NUGGC: variants seen among roughly 807,000 people sequenced by gnomAD.
NUGGC encodes nuclear GTPase SLIP-GC.
In NUGGC, 58 loss-of-function variants were observed where a neutral mutation model predicts 92.6. The ratio of observed to expected loss-of-function variants is 0.63; its 90% CI spans 0.51 to 0.78. NUGGC has a LOEUF of 0.78. Among genes scored for constraint, NUGGC ranks in the 30% least tolerant of loss-of-function variants. The probability of loss-of-function intolerance (pLI) is 0.00; values close to 1 mark genes in which losing one functional copy is unlikely to be tolerated. For missense variants in NUGGC, 925 were observed against 964.6 expected, an observed-to-expected ratio of 0.96 and a Z score of 0.54; for synonymous variants, 376 against 366.4, an observed-to-expected ratio of 1.03 and a Z score of -0.30.
At chr8:28,033,886 C>T (rs1048240514) in intron 13 of NUGGC, among the ~76,000 whole-genome samples, 189 bp from the exon 14 acceptor site, 2 of 152,150 alleles carry the variant, frequency 1.3e-5, no homozygotes, top group African/African-American at 4.8e-5. Flanking sequence ...GTCTGGGTGC[C>T]CCTGCCATGG....
At chr8:28,070,123 T>A in intron 3 of NUGGC, 129 bp downstream of exon 3, 1 of 1,443,460 alleles carries the variant, frequency 6.9e-7, no homozygotes, top group East Asian at 2.5e-5. Context: ...CTTTGAGCCC[T>A]CTCTTTCCAA....
chr8:28,077,445 T>C (rs1810751040), intron 1 of NUGGC, among the ~76,000 whole-genome samples: 1 of 150,986 alleles, frequency 6.6e-6, no homozygotes, highest in South Asian at 2.1e-4. Flanking sequence ...CACACACCTG[T>C]AGTACCCACT....
At chr8:28,035,356 G>T (rs535403392) in intron 13 of NUGGC, among the ~76,000 whole-genome samples, 1 of 152,320 alleles carries the variant, frequency 6.6e-6, no homozygotes, top group African/African-American at 2.4e-5. Context: ...GGATCTGTGG[G>T]TCAGGACTGG....
At position 28,045,508 on chromosome 8, in the gene NUGGC, A is replaced by C. The variant is rs776978910; in HGVS notation, c.1446+19T>G. On this transcript the variant is annotated intron_variant, in intron 12 of 18. Transcript: ENST00000413272. Reference sequence around the variant, plus strand: ...TGCCCAGGAAGGGGGAGAATATGAAAACCCAGTGTCTTCCATACCGGCAGG... The same window carrying C: ...TGCCCAGGAAGGGGGAGAATATGAACACCCAGTGTCTTCCATACCGGCAGG... 1.2e-6 allele frequency: 2 copies of C among 1,606,854 alleles called. No homozygotes were observed. The highest frequency in any genetic ancestry group is 1.7e-6 in the Non-Finnish European group (2 of 1,177,762).
At chr8:28,045,439 A>G in intron 12 of NUGGC, 88 bp downstream of exon 12, 1 of 1,320,696 alleles carries the variant, frequency 7.6e-7, no homozygotes, top group Non-Finnish European at 1.0e-6. Flanking sequence ...TGAAAAGAAA[A>G]AATATCATAA....
intron 6 of NUGGC, among the ~76,000 whole-genome samples, chr8:28,066,934 T>A (rs13252640): frequency 6.7e-6 from 1 of 149,716 alleles, no homozygotes; most frequent in Non-Finnish European, 1.5e-5. Flanking sequence ...AGTTCTGAAC[T>A]CTGAAATCTA....
At chr8:28,074,256 A>G (rs1172631270) in intron 2 of NUGGC, 112 bp downstream of exon 2, 1 of 754,962 alleles carries the variant, frequency 1.3e-6, no homozygotes, top group African/African-American at 1.7e-5. Flanking sequence ...TTCTGAATAA[A>G]GAGTAAGGAA....
chr8:28,033,819 C>T, intron 13 of NUGGC, 122 bp from the exon 14 acceptor site: 2 of 861,816 alleles, frequency 2.3e-6, no homozygotes, highest in Non-Finnish European at 3.7e-6. Flanking sequence ...AGACAACATG[C>T]TCTTTAAATA....
At chr8:28,033,790 G>A (rs188438101) in intron 13 of NUGGC, 93 bp from the exon 14 acceptor site, 10 of 1,052,694 alleles carry the variant, frequency 9.5e-6, no homozygotes, top group East Asian at 2.4e-5. Flanking sequence ...TCACTACCAA[G>A]AATCACAGGA....
chr8:28,081,756 T>C (rs1810855493), intron 1 of NUGGC, among the ~76,000 whole-genome samples: 1 of 152,026 alleles, frequency 6.6e-6, no homozygotes, highest in African/African-American at 2.4e-5. Flanking sequence ...CACATGCCTG[T>C]AGTCCCAGCT....
chr8:28,048,263 A>G (rs137953576), intron 10 of NUGGC, among the ~76,000 whole-genome samples: 26 of 152,304 alleles, frequency 1.7e-4, no homozygotes, highest in African/African-American at 6.3e-4. Flanking sequence ...CCAGGTGACA[A>G]TCACAAGGTG....
At chr8:28,033,841 T>A in intron 13 of NUGGC, 144 bp from the exon 14 acceptor site, 1 of 798,258 alleles carries the variant, frequency 1.3e-6, no homozygotes, top group Non-Finnish European at 2.0e-6. Flanking sequence ...ATGATTAAAC[T>A]AAAAGAGGGA....
At chr8:28,030,240 GA>G in intron 16 of NUGGC, 69 bp downstream of exon 16, 2 of 849,782 alleles carry the variant, frequency 2.4e-6, no homozygotes, top group Non-Finnish European at 3.9e-6. Context: ...GGGAGCCGCA[GA>G]AAAGGATGCG....
Position 28,023,338 on chromosome 8 carries a change from G to C in NUGGC, c.2370C>G (p.Gly790=). 6.8e-6 allele frequency: 11 copies of C among 1,613,660 alleles called. No homozygotes were observed. The highest frequency in any genetic ancestry group is 8.5e-6 in the Non-Finnish European group (10 of 1,179,754). ...GGAGTTACAGTGATGTCCCGGGGGG[G>C]CCAGCCTTGCTGGGGGATGCCCTTA... The part of the protein sequence containing the change: ...FLLRASPSKA[G]PPGTSL The change falls in exon 19 of 19, where the codon GGC becomes GGG. Residue 790 remains glycine (G), a synonymous_variant. Coordinates refer to ENST00000413272, the MANE Select transcript of NUGGC (RefSeq NM_001010906.2).
chr8:28,072,969 C>T (rs770034138), intron 2 of NUGGC, among the ~76,000 whole-genome samples: 12 of 151,476 alleles, frequency 7.9e-5, no homozygotes, highest in Non-Finnish European at 1.3e-4. Context: ...CCCCAACAGC[C>T]TGAGCTGAGA....
chr8:28,070,535 G>C (rs1305867218), intron 2 of NUGGC, among the ~76,000 whole-genome samples, 179 bp from the exon 3 acceptor site: 1 of 151,734 alleles, frequency 6.6e-6, no homozygotes, highest in African/African-American at 2.4e-5. Context: ...AGGATTGCTT[G>C]AGGTCAGGAG....
rs142548910 is a variant in NUGGC at position 28,033,723 on chromosome 8, G to A, written c.1612-26C>T. 822 of 1,609,608 alleles carry A rather than the reference G, an allele frequency of 5.1e-4. 5 individuals are homozygous for A. In the African/African-American group the frequency reaches 0.01, roughly 20 times the overall value. On this transcript the variant is annotated intron_variant, in intron 13 of 18. Transcript: ENST00000413272. ...CTAGACAATCAACAATAAATTAGCA[G>A]AGTTAGGCATTAACTGGAAGGTCAC...
chr8:28,072,191 C>T (rs149471607), intron 2 of NUGGC, among the ~76,000 whole-genome samples: 79 of 152,310 alleles, frequency 5.2e-4, no homozygotes, highest in East Asian at 2.5e-3. Flanking sequence ...GGTTATACTT[C>T]GACCCTTCCC....
intron 10 of NUGGC, among the ~76,000 whole-genome samples, chr8:28,050,114 G>A (rs562393685): frequency 1.1e-4 from 16 of 152,170 alleles, no homozygotes; most frequent in East Asian, 5.8e-4. Flanking sequence ...GGCCGGGCAC[G>A]GTGGCTCATG....
Sources: allele counts gnomAD v4.1 joint callset (sites outside exome capture counted in the v4.1 genomes callset), GRCh38; gene constraint gnomAD v4.1.1; transcripts MANE v1.5; gene names NCBI Gene and HGNC (gene_info 2026-07-23, HGNC 2026-07-21).